The following LRRC4C variants were observed in gnomAD, a reference collection of about 807,000 sequenced individuals.
LRRC4C encodes leucine-rich repeat-containing protein 4C.
In LRRC4C, 5 loss-of-function variants were observed where a neutral mutation model predicts 33.6. The observed-to-expected ratio is 0.15, with a 90% CI of 0.08 to 0.31. LRRC4C has a LOEUF of 0.31. Among genes scored for constraint, LRRC4C ranks in the 10% least tolerant of loss-of-function variants. The pLI is 1.00. For missense variants in LRRC4C, 560 were observed against 796.7 expected, an observed-to-expected ratio of 0.70 and a Z score of 3.58; for synonymous variants, 329 against 302.0, an observed-to-expected ratio of 1.09 and a Z score of -0.93.
intron 2 of LRRC4C, among the ~76,000 whole-genome samples, chr11:40,846,607 G>GT (rs1482001329): frequency 2.6e-5 from 4 of 151,506 alleles, no homozygotes; most frequent in Non-Finnish European, 5.9e-5. Flanking sequence ...TTCCAGCTTT[G>GT]TTTTTTTGCT....
intron 1 of LRRC4C, among the ~76,000 whole-genome samples, chr11:41,043,068 C>CTTTTTTTTTTTT (rs67605827): frequency 2.6e-5 from 2 of 75,798 alleles, no homozygotes; most frequent in Non-Finnish European, 4.7e-5. Context: ...CAGAATAGAC[C>CTTTTTTTTTTTT]TTTTTTTTTT....
At chr11:40,121,150 G>A (rs894108618) in intron 6 of LRRC4C, among the ~76,000 whole-genome samples, 29 of 152,120 alleles carry the variant, frequency 1.9e-4, no homozygotes, top group African/African-American at 6.5e-4. Context: ...GATATAATCG[G>A]GAACATACTA....
intron 1 of LRRC4C, among the ~76,000 whole-genome samples, chr11:41,053,218 A>G (rs2138155424): frequency 6.6e-6 from 1 of 152,288 alleles, no homozygotes; most frequent in Admixed American, 6.5e-5. Flanking sequence ...AGGTAATGGA[A>G]TGTCACTTTG....
chr11:40,617,653 C>T (rs1961997966), intron 3 of LRRC4C, among the ~76,000 whole-genome samples: 1 of 151,642 alleles, frequency 6.6e-6, no homozygotes, highest in African/African-American at 2.4e-5. Context: ...GAAATAATTC[C>T]TTAAATTATG....
intron 2 of LRRC4C, among the ~76,000 whole-genome samples, chr11:40,760,822 CAT>C (rs1360916062): frequency 4.8e-5 from 7 of 144,388 alleles, no homozygotes; most frequent in Admixed American, 2.1e-4. Context: ...CACACACACA[CAT>C]ATATTTATAT....
At chr11:40,919,847 T>G (rs917064337) in intron 2 of LRRC4C, among the ~76,000 whole-genome samples, 1 of 152,152 alleles carries the variant, frequency 6.6e-6, no homozygotes, top group Non-Finnish European at 1.5e-5. Context: ...AACTTAGGAA[T>G]TAATTTTTAC....
chr11:41,161,624 C>T (rs1466888088), intron 1 of LRRC4C, among the ~76,000 whole-genome samples: 1 of 152,174 alleles, frequency 6.6e-6, no homozygotes. Context: ...CTAACAGTTA[C>T]TGTTTACTGA....
chr11:41,188,625 T>G (rs576744195), intron 1 of LRRC4C, among the ~76,000 whole-genome samples: 7 of 151,480 alleles, frequency 4.6e-5, no homozygotes, highest in African/African-American at 1.7e-4. Context: ...TGTCTACTCA[T>G]GTGGTACTGT....
At chr11:41,245,572 G>A (rs1298996879) in intron 1 of LRRC4C, among the ~76,000 whole-genome samples, 3 of 152,226 alleles carry the variant, frequency 2.0e-5, no homozygotes, top group Non-Finnish European at 2.9e-5. Flanking sequence ...GAACTGACAG[G>A]AGCCCCAAAG....
At chr11:41,270,208 C>A (rs1475384442) in intron 1 of LRRC4C, among the ~76,000 whole-genome samples, 2 of 151,958 alleles carry the variant, frequency 1.3e-5, no homozygotes, top group Non-Finnish European at 2.9e-5. Flanking sequence ...CTGTCCTATC[C>A]AAAAATTTCC....
intron 2 of LRRC4C, among the ~76,000 whole-genome samples, chr11:40,871,147 C>T (rs2135938827): frequency 6.6e-6 from 1 of 152,234 alleles, no homozygotes; most frequent in African/African-American, 2.4e-5. Context: ...AACCCTGTCT[C>T]CTGATAAGAT....
chr11:41,245,368 TGTG>T (rs749889355), intron 1 of LRRC4C, among the ~76,000 whole-genome samples: 9 of 151,698 alleles, frequency 5.9e-5, no homozygotes, highest in Non-Finnish European at 1.3e-4. Context: ...CAGCGAGGGG[TGTG>T]TAAGTGAGGG....
At chr11:41,015,399 G>C (rs1280156698) in intron 1 of LRRC4C, among the ~76,000 whole-genome samples, 1 of 152,098 alleles carries the variant, frequency 6.6e-6, no homozygotes, top group Non-Finnish European at 1.5e-5. Flanking sequence ...CACAGTCTTA[G>C]CTCACTGCAA....
chr11:41,427,978 T>C (rs1955100921), intron 1 of LRRC4C, among the ~76,000 whole-genome samples: 1 of 151,824 alleles, frequency 6.6e-6, no homozygotes, highest in African/African-American at 2.4e-5. Flanking sequence ...TTCCTTTACC[T>C]ACCCAAATCC....
intron 1 of LRRC4C, among the ~76,000 whole-genome samples, chr11:40,967,900 A>G (rs1311628887): frequency 6.6e-6 from 1 of 151,976 alleles, no homozygotes; most frequent in Non-Finnish European, 1.5e-5. Flanking sequence ...AGACCAATTA[A>G]TAAGCTACCA....
chr11:40,192,819 T>C (rs1300548611), intron 5 of LRRC4C, among the ~76,000 whole-genome samples: 1 of 152,086 alleles, frequency 6.6e-6, no homozygotes, highest in African/African-American at 2.4e-5. Flanking sequence ...CCCCTCACAG[T>C]GTAAACAAAG....
At chr11:40,893,786 G>T (rs903027869) in intron 2 of LRRC4C, among the ~76,000 whole-genome samples, 1 of 151,270 alleles carries the variant, frequency 6.6e-6, no homozygotes, top group Non-Finnish European at 1.5e-5. Context: ...ATTCAGAAAG[G>T]ATGGCCGAAA....
intron 2 of LRRC4C, among the ~76,000 whole-genome samples, chr11:40,890,944 C>T (rs949414096): frequency 2.4e-4 from 37 of 152,174 alleles, no homozygotes; most frequent in Admixed American, 9.2e-4. Context: ...TAGGTCTCTT[C>T]GAAACTTGCC....
chr11:41,383,667 G>T (rs372373506), intron 1 of LRRC4C, among the ~76,000 whole-genome samples: 1 of 151,574 alleles, frequency 6.6e-6, no homozygotes, highest in South Asian at 2.1e-4. Flanking sequence ...AGAAAAAGAA[G>T]AAAAAGAAAA....
Sources: gnomAD v4.1 joint callset for allele counts (sites outside exome capture counted in the v4.1 genomes callset) on GRCh38, gnomAD v4.1.1 for gene constraint, MANE v1.5 for transcripts, NCBI Gene and HGNC (gene_info 2026-07-23, HGNC 2026-07-21) for gene names.